The following ANKRD44 variants were observed in gnomAD, a reference collection of about 807,000 sequenced individuals.
ANKRD44 encodes the protein ankyrin repeat domain 44.
In ANKRD44, 35 loss-of-function variants were observed where a neutral mutation model predicts 116.0. The observed-to-expected ratio is 0.30, with a 90% CI of 0.23 to 0.40. The LOEUF is 0.40. Ranked by LOEUF, ANKRD44 falls within the 10% of genes least tolerant of loss-of-function variation. The pLI, the probability that ANKRD44 is intolerant of heterozygous loss-of-function variation, is 1.00. For missense variants in ANKRD44, 1,014 were observed against 1,242.6 expected (o/e 0.82, Z 2.77); for synonymous variants, 435 against 461.8 (o/e 0.94, Z 0.74).
chr2:197,095,563 C>G (rs1046787545), intron 10 of ANKRD44, among the ~76,000 whole-genome samples: 1 of 152,178 alleles, frequency 6.6e-6, no homozygotes, highest in African/African-American at 2.4e-5. Context: ...CAAATGGTGA[C>G]TTCACTTTGG....
At chr2:197,232,443 A>G (rs2081886828) in intron 1 of ANKRD44, among the ~76,000 whole-genome samples, 1 of 152,232 alleles carries the variant, frequency 6.6e-6, no homozygotes, top group African/African-American at 2.4e-5. Flanking sequence ...TGGAAATTTT[A>G]TAATATAACT....
chr2:197,236,206 A>C (rs1328567587), intron 1 of ANKRD44, among the ~76,000 whole-genome samples: 1 of 152,182 alleles, frequency 6.6e-6, no homozygotes, highest in East Asian at 1.9e-4. Flanking sequence ...TTTAAGTTGA[A>C]AGCACTTCTC....
rs138978350 is a variant in ANKRD44, at chr2:196,995,028, A to G, written c.2831+351T>C. 6.1e-3 allele frequency: 991 copies of G among 161,226 alleles called. 5 individuals are homozygous for G. The highest frequency in any genetic ancestry group is 7.4e-3 in the Non-Finnish European group (545 of 73,966). 10.0% of individuals were successfully genotyped at this position (161,226 alleles called of 1,614,324 possible). On this transcript the variant is annotated intron_variant, in intron 26 of 27. Transcript: ENST00000282272. Reference sequence around the variant, plus strand: ...GCAAAACTGTCATTTTCCAGTCAGAATACATAATGCTAATACATAATACAA... The same window carrying G: ...GCAAAACTGTCATTTTCCAGTCAGAGTACATAATGCTAATACATAATACAA...
At chr2:196,977,351 A>G (rs2075767877) in intron 21 of ANKRD44, among the ~76,000 whole-genome samples, 1 of 152,232 alleles carries the variant, frequency 6.6e-6, no homozygotes. Flanking sequence ...GGTTTTCTAG[A>G]TATGACACCA....
intron 1 of ANKRD44, among the ~76,000 whole-genome samples, chr2:197,282,281 G>A (rs2083288338): frequency 6.6e-6 from 1 of 152,006 alleles, no homozygotes. Flanking sequence ...AGTAACTACA[G>A]TGTCTACTGT....
intron 2 of ANKRD44, among the ~76,000 whole-genome samples, chr2:197,154,534 G>T (rs2079758078): frequency 2.0e-5 from 3 of 152,000 alleles, no homozygotes; most frequent in Admixed American, 6.6e-5. Flanking sequence ...GTACATTCTG[G>T]TTTTTTCAAC....
downstream of ANKRD44, among the ~76,000 whole-genome samples, chr2:196,982,108 T>TTTTATATATATATATATATATATA (rs150861089): frequency 0.043 from 4,169 of 96,026 alleles, 399 homozygotes; most frequent in Non-Finnish European, 0.059. Context: ...CTAAAAAAAA[T>TTTTATATATATATATATATATATA]TATATATATA....
At position 197,000,441 on chromosome 2, in the gene ANKRD44, T is replaced by C. The variant is rs1039200182; in HGVS notation, c.2497A>G (p.Ser833Gly). ...TACCTGCCTTTGTCATCTCTACAAC[T>C]GACGATACTGGAATCTATGGCCCCA... is the stretch of plus-strand genomic sequence containing the variant. The part of the protein sequence containing the change: ...LLGAIDSSIV[S>G]CRDDKGRTPL... The change falls in exon 23 of 28, where the codon AGT becomes GGT. Residue 833 changes from serine (S) to glycine (G), a missense_variant. Ser to Gly is a moderately conservative substitution (Grantham distance 56). Coordinates refer to ENST00000282272, the MANE Select transcript of ANKRD44 (RefSeq NM_001195144.2). 1 of 1,614,012 alleles carries C rather than the reference T, an allele frequency of 6.2e-7. No homozygotes were observed.
rs2697231 is a variant in ANKRD44, at chr2:197,187,999, C to T, written c.28-893G>A. On this transcript the variant is annotated intron_variant, in intron 1 of 27. Coordinates refer to ENST00000282272, the MANE Select transcript of ANKRD44 (RefSeq NM_001195144.2). ...GGATGCTAATGGCCATGTTTCTGGC[C>T]ACCGGAACACTTTTGTGTCGGTATT... Among the ~76,000 whole-genome samples the T allele has an allele frequency of 2.2e-3, 341 of 152,224 alleles. 1 individual carries two copies. The highest frequency in any genetic ancestry group is 7.7e-3 in the African/African-American group (319 of 41,526).
At chr2:197,160,815 C>G (rs935513251) in intron 2 of ANKRD44, among the ~76,000 whole-genome samples, 1 of 152,152 alleles carries the variant, frequency 6.6e-6, no homozygotes, top group South Asian at 2.1e-4. Context: ...TGTACCCTTT[C>G]TCTCCTCACC....
In ANKRD44 at chr2:197,086,729, G is replaced by C; in HGVS notation, c.1267C>G (p.Leu423Val). Reference sequence around the variant, plus strand: ...AAATCTGCTCCGCTGCTCTGCAAGAGTTTTATACATTCCACATTACTAGAA... The same window carrying C: ...AAATCTGCTCCGCTGCTCTGCAAGACTTTTATACATTCCACATTACTAGAA... ...AAGGNVECIK[L>V]LQSSGADFHK... Residue 423 changes from leucine (L) to valine (V), a missense_variant, in exon 13 of 28, where the codon CTC (leucine) becomes GTC (valine). Physicochemically the swap from Leu to Val is conservative, Grantham distance 32. Coordinates refer to ENST00000282272, the MANE Select transcript of ANKRD44 (RefSeq NM_001195144.2). 6.2e-7 allele frequency: 1 copy of C among 1,613,838 alleles called. No individual in the cohort carries two copies. The highest frequency in any genetic ancestry group is 8.5e-7 in the Non-Finnish European group (1 of 1,179,850).
At chr2:197,016,058 T>A (rs957244944) in intron 17 of ANKRD44, 9 of 505,246 alleles carry the variant, frequency 1.8e-5, no homozygotes, top group Non-Finnish European at 2.7e-5. Context: ...GAGAGAGCGA[T>A]GAGTTGTCAG....
intron 10 of ANKRD44, among the ~76,000 whole-genome samples, chr2:197,096,021 C>A (rs1389081704): frequency 1.3e-5 from 2 of 152,146 alleles, no homozygotes; most frequent in South Asian, 4.1e-4. Context: ...ATCTAAAAGA[C>A]TCTTGCTACC....
intron 1 of ANKRD44, among the ~76,000 whole-genome samples, chr2:197,280,692 G>A (rs1242305143): frequency 1.3e-5 from 2 of 152,130 alleles, no homozygotes; most frequent in East Asian, 3.9e-4. Flanking sequence ...CTTGATTGCT[G>A]AAAATGTAAA....
chr2:197,034,443 A>C (rs941072309), intron 16 of ANKRD44, among the ~76,000 whole-genome samples: 1 of 149,302 alleles, frequency 6.7e-6, no homozygotes, highest in African/African-American at 2.5e-5. Flanking sequence ...GCTCAACTAC[A>C]TTCATAAATC....
chr2:197,133,880 C>T (rs973392006), intron 4 of ANKRD44: 3 of 151,950 alleles, frequency 2.0e-5, no homozygotes, highest in South Asian at 4.2e-4. Flanking sequence ...TCTTCTCCAC[C>T]GTCAGCTCTC....
At chr2:196,977,601 G>C (rs2075770016) in intron 21 of ANKRD44, among the ~76,000 whole-genome samples, 1 of 152,204 alleles carries the variant, frequency 6.6e-6, no homozygotes, top group African/African-American at 2.4e-5. Flanking sequence ...AAAGGTGCTT[G>C]ACATCATTAG....
chr2:197,146,734 A>C (rs1302760738), intron 3 of ANKRD44, among the ~76,000 whole-genome samples: 1 of 151,112 alleles, frequency 6.6e-6, no homozygotes, highest in African/African-American at 2.5e-5. Context: ...CTTTTGTATA[A>C]TAAAAAAATC....
At chr2:197,158,984 AACAC>A (rs5837527) in intron 2 of ANKRD44, among the ~76,000 whole-genome samples, 21 of 148,370 alleles carry the variant, frequency 1.4e-4, no homozygotes, top group African/African-American at 4.2e-4. Context: ...AGAGCAAACA[AACAC>A]ACACACACAC....
Sources: allele counts gnomAD v4.1 joint callset (sites outside exome capture counted in the v4.1 genomes callset), GRCh38; gene constraint gnomAD v4.1.1; transcripts MANE v1.5; gene names NCBI Gene and HGNC (gene_info 2026-07-23, HGNC 2026-07-21).